NOL4L: variants seen among roughly 807,000 people sequenced by gnomAD.
NOL4L encodes nucleolar protein 4-like.
Under a neutral mutation model 64.5 loss-of-function variants are expected in NOL4L, and 7 were observed. The ratio of observed to expected loss-of-function variants is 0.11; its 90% confidence interval spans 0.06 to 0.20. The LOEUF is 0.20. NOL4L is among the 10% of genes least tolerant of loss of function. The probability of loss-of-function intolerance (pLI) is 1.00; values close to 1 mark genes in which losing one functional copy is unlikely to be tolerated. For missense variants in NOL4L, 680 were observed against 967.1 expected (o/e 0.70, Z 3.94); for synonymous variants, 413 against 401.0 (o/e 1.03, Z -0.36).
intron 2 of NOL4L, among the ~76,000 whole-genome samples, chr20:32,522,807 C>G (rs898160919): frequency 6.6e-6 from 1 of 152,200 alleles, no homozygotes; most frequent in Non-Finnish European, 1.5e-5. Context: ...TGAGACGTGG[C>G]ACCCTAGGTC....
intron 4 of NOL4L, among the ~76,000 whole-genome samples, chr20:32,500,041 G>C (rs2016854291): frequency 6.6e-6 from 1 of 152,174 alleles, no homozygotes; most frequent in South Asian, 2.1e-4. Flanking sequence ...GAGACAAAAG[G>C]GTTAAGCGGA....
Position 32,447,388 on chromosome 20 carries a change from C to A in NOL4L, c.*208G>T, listed in dbSNP as rs1010129143. 1 of 581,302 alleles carries A rather than the reference C, an allele frequency of 1.7e-6. No individual in the cohort carries two copies. The highest frequency in any genetic ancestry group is 4.7e-5 in the East Asian group (1 of 21,222). The allele number at this position is 581,302 out of a possible 1,614,324, so 36.0% of individuals were successfully genotyped here. ...CCTCTTCCAAGCAGGTCAGAGCACC[C>A]GTGTGGTGAGATTCCAAAAAAAAAA... On this transcript the variant is annotated 3_prime_UTR_variant, in exon 11 of 11. Transcript: ENST00000621426.
At chr20:32,501,933 T>G (rs1421765011) in intron 4 of NOL4L, among the ~76,000 whole-genome samples, 2 of 152,212 alleles carry the variant, frequency 1.3e-5, no homozygotes, top group African/African-American at 4.8e-5. Flanking sequence ...AATCATAGCA[T>G]ATGTTAATTG....
At chr20:32,580,092 C>T (rs1442707548) in intron 1 of NOL4L, among the ~76,000 whole-genome samples, 1 of 152,224 alleles carries the variant, frequency 6.6e-6, no homozygotes, top group African/African-American at 2.4e-5. Flanking sequence ...CAAATTGGAT[C>T]AGGTTGCAAG....
intron 1 of NOL4L, among the ~76,000 whole-genome samples, chr20:32,529,638 C>T (rs1302995724): frequency 1.3e-5 from 2 of 152,198 alleles, no homozygotes; most frequent in Admixed American, 1.3e-4. Flanking sequence ...AGATGGGGGG[C>T]AAAGGGCATC....
Position 32,454,753 on chromosome 20 carries a change from G to A in NOL4L, c.1120-992C>T, listed in dbSNP as rs1289392418. ...CACTGTCCCTGCCCTCAAGGAGGTT[G>A]GCATCTAGCAGGTAAGGCAGGCTCA... is the stretch of plus-strand genomic sequence containing the variant. On this transcript the variant is annotated intron_variant, in intron 6 of 10. Coordinates refer to ENST00000621426, the MANE Select transcript of NOL4L (RefSeq NM_001256798.2). 2.6e-5 allele frequency among the ~76,000 whole-genome samples: 4 copies of A among 152,386 alleles called. No individual in the cohort carries two copies. In the East Asian group the frequency reaches 7.7e-4, roughly 29 times the overall value.
At position 32,463,973 on chromosome 20, in the gene NOL4L, G is replaced by A. The variant is rs1208767689; in HGVS notation, c.842-7578C>T. Among the ~76,000 whole-genome samples the A allele has an allele frequency of 1.3e-5, 2 of 152,192 alleles. No individual in the cohort carries two copies. The highest frequency in any genetic ancestry group is 1.9e-4 in the East Asian group (1 of 5,188). On this transcript the variant is annotated intron_variant, in intron 5 of 10. Coordinates refer to ENST00000621426, the MANE Select transcript of NOL4L (RefSeq NM_001256798.2). The surrounding 1 kb of genome is among the most constrained non-coding windows in gnomAD (Gnocchi z 5.8). ...TTCCGTGTCCAGAGGTGTGGCTGCT[G>A]GAGGCAGTGCCGCCTCCATGAGACT...
rs1343184789 is a variant in NOL4L, at chr20:32,474,719, C to T, written c.723G>A (p.Glu241=). Residue 241 remains glutamate, a synonymous_variant, in exon 5 of 11, where the codon GAG becomes GAA. Transcript: ENST00000621426. The part of the protein sequence containing the change: ...QEQDETSVSS[E]DFDMSDSTWM... ...ATGTGGAGTCGCTCATATCAAAATC[C>T]TCGCTGCTCACAGAAGTCTCATCCT... The T allele has an allele frequency of 1.2e-6, 2 of 1,613,014 alleles. No homozygotes were observed. Among genetic ancestry groups the T allele is most frequent in the East Asian group, 2.2e-5 (1 of 44,858 alleles).
chr20:32,521,631 G>T (rs1289177923), intron 2 of NOL4L, among the ~76,000 whole-genome samples: 2 of 152,204 alleles, frequency 1.3e-5, no homozygotes, highest in Admixed American at 1.3e-4. Flanking sequence ...GGGATGCAGA[G>T]GGCTGGGGGA....
chr20:32,565,088 T>C (rs1979341552), intron 1 of NOL4L: 1 of 152,420 alleles, frequency 6.6e-6, no homozygotes, highest in African/African-American at 2.4e-5. Context: ...AGCTTCCTCA[T>C]GTGCAGCCCC....
chr20:32,454,036 C>CGCTT, intron 6 of NOL4L: 1 of 445,912 alleles, frequency 2.2e-6, no homozygotes. Context: ...GGCTGCTGAG[C>CGCTT]GCTTAGGAGG....
intron 4 of NOL4L, among the ~76,000 whole-genome samples, chr20:32,494,985 C>G (rs1051182822): frequency 1.3e-5 from 2 of 150,406 alleles, no homozygotes; most frequent in African/African-American, 2.5e-5. Context: ...AAGGATCCCC[C>G]ACTCCCATGT....
chr20:32,576,400 G>A (rs1254161261), intron 1 of NOL4L, among the ~76,000 whole-genome samples: 1 of 152,076 alleles, frequency 6.6e-6, no homozygotes, highest in Non-Finnish European at 1.5e-5. Flanking sequence ...GGGAGAGGAG[G>A]TCAGAGAAAG....
At chr20:32,501,972 CATAATA>C (rs1232635829) in intron 4 of NOL4L, among the ~76,000 whole-genome samples, 1 of 152,010 alleles carries the variant, frequency 6.6e-6, no homozygotes, top group Non-Finnish European at 1.5e-5. Flanking sequence ...TGCACACAGT[CATAATA>C]ATATAAACAA....
chr20:32,525,984 C>T (rs1400344020), intron 2 of NOL4L, among the ~76,000 whole-genome samples: 1 of 152,184 alleles, frequency 6.6e-6, no homozygotes, highest in Non-Finnish European at 1.5e-5. Context: ...TCTCACACTC[C>T]TGGCTTCAAG....
chr20:32,568,179 C>A (rs1028144441), intron 1 of NOL4L, among the ~76,000 whole-genome samples: 1 of 152,154 alleles, frequency 6.6e-6, no homozygotes, highest in Non-Finnish European at 1.5e-5. Flanking sequence ...TCACCACCAT[C>A]AGCACCACCA....
chr20:32,527,451 C>T (rs897280938), intron 2 of NOL4L, among the ~76,000 whole-genome samples: 7 of 152,140 alleles, frequency 4.6e-5, no homozygotes, highest in Non-Finnish European at 8.8e-5. Context: ...GGGGTGGTGT[C>T]GGGTGGGAGC....
chr20:32,536,987 T>C, intron 1 of NOL4L: 1 of 717,638 alleles, frequency 1.4e-6, no homozygotes, highest in South Asian at 6.3e-5. Flanking sequence ...GCGCACCTGC[T>C]GCGCGCGCGC....
rs147545196 is a variant in NOL4L, at chr20:32,515,259, G to A, written c.590-3803C>T. On this transcript the variant is annotated intron_variant, in intron 3 of 10. Transcript: ENST00000621426. ...GGAAGGCAGGATGTCCTGGTCTTGG[G>A]GAAGCTGGAACATCCCGAGCAGACC... 3.0e-3 allele frequency among the ~76,000 whole-genome samples: 453 copies of A among 152,228 alleles called. 2 individuals carry two copies. The highest frequency in any genetic ancestry group is 0.01 in the African/African-American group (425 of 41,546).
Sources: gnomAD v4.1 joint callset for allele counts (sites outside exome capture counted in the v4.1 genomes callset) on GRCh38, gnomAD v4.1.1 for gene constraint, Gnocchi (gnomAD v3.1) non-coding constraint, MANE v1.5 for transcripts, NCBI Gene and HGNC (gene_info 2026-07-23, HGNC 2026-07-21) for gene names.